The following CCDC102B variants were observed in gnomAD, a reference collection of about 807,000 sequenced individuals.
The protein encoded by CCDC102B is coiled-coil domain-containing protein 102B.
In CCDC102B, 75 loss-of-function variants were observed where a neutral mutation model predicts 57.4. That is an observed-to-expected ratio of 1.31 (90% CI 1.08 to 1.58). The LOEUF (loss-of-function observed/expected upper bound fraction) is 1.58, where lower values mean the gene tolerates loss of function less well. CCDC102B is among the 40% of genes most tolerant of loss of function. The pLI, the probability that CCDC102B is intolerant of heterozygous loss-of-function variation, is 0.00. For missense variants in CCDC102B, 636 were observed against 582.6 expected (o/e 1.09, Z -0.94); for synonymous variants, 206 against 201.9 (o/e 1.02, Z -0.17).
At chr18:68,944,358 T>A (rs1348227520) in intron 6 of CCDC102B, among the ~76,000 whole-genome samples, 1 of 152,154 alleles carries the variant, frequency 6.6e-6, no homozygotes, top group African/African-American at 2.4e-5. Context: ...TAAAACAAAG[T>A]ACCATAGTCT....
chr18:68,729,514 A>G (rs2032761494), intron 2 of CCDC102B, among the ~76,000 whole-genome samples: 1 of 152,212 alleles, frequency 6.6e-6, no homozygotes, highest in East Asian at 1.9e-4. Flanking sequence ...TTCAGGCATT[A>G]ATGGAAACTT....
chr18:69,026,535 T>C (rs115493917), intron 7 of CCDC102B, among the ~76,000 whole-genome samples: 2 of 148,504 alleles, frequency 1.3e-5, no homozygotes, highest in Admixed American at 6.7e-5. Flanking sequence ...TGAAGCATAA[T>C]ACGGCATTCA....
chr18:69,007,191 CTCCTTAAGGTGAAA>C (rs144314273), intron 6 of CCDC102B, among the ~76,000 whole-genome samples: 2,527 of 152,218 alleles, frequency 0.017, 80 homozygotes, highest in African/African-American at 0.057. Flanking sequence ...ATGTATTTTT[CTCCTTAAGGTGAAA>C]TCCAGTTCTT....
chr18:68,759,188 T>TG (rs1568235644), intron 2 of CCDC102B, among the ~76,000 whole-genome samples: 2 of 151,942 alleles, frequency 1.3e-5, no homozygotes, highest in African/African-American at 4.8e-5. Context: ...TGTAAAATAT[T>TG]GGGGAAAAAT....
At chr18:68,752,105 C>G (rs1396587199) in intron 2 of CCDC102B, among the ~76,000 whole-genome samples, 2 of 151,796 alleles carry the variant, frequency 1.3e-5, no homozygotes, top group Non-Finnish European at 2.9e-5. Context: ...ACTAAAAATA[C>G]AAAAATTAGC....
chr18:68,761,744 G>A (rs1354406900), intron 2 of CCDC102B, among the ~76,000 whole-genome samples: 1 of 152,016 alleles, frequency 6.6e-6, no homozygotes, highest in Non-Finnish European at 1.5e-5. Flanking sequence ...AACCCTTATA[G>A]CTGGGTTTAG....
At chr18:68,749,158 A>G (rs1021693227) in intron 2 of CCDC102B, among the ~76,000 whole-genome samples, 3 of 152,166 alleles carry the variant, frequency 2.0e-5, no homozygotes, top group East Asian at 3.9e-4. Flanking sequence ...TACCAGTACC[A>G]TGCTGTTTTG....
At chr18:68,909,198 GAAA>G (rs2040751853) in intron 6 of CCDC102B, among the ~76,000 whole-genome samples, 2 of 150,872 alleles carry the variant, frequency 1.3e-5, no homozygotes, top group Non-Finnish European at 3.0e-5. Flanking sequence ...AAAAAGCAAA[GAAA>G]GAAGAGTAAA....
At chr18:68,766,071 T>G (rs1050492356) in intron 2 of CCDC102B, among the ~76,000 whole-genome samples, 1 of 152,190 alleles carries the variant, frequency 6.6e-6, no homozygotes, top group Admixed American at 6.5e-5. Flanking sequence ...TACATTCAAG[T>G]AGCAATTTAA....
At chr18:68,961,184 T>C (rs2050039311) in intron 6 of CCDC102B, among the ~76,000 whole-genome samples, 1 of 152,124 alleles carries the variant, frequency 6.6e-6, no homozygotes, top group Non-Finnish European at 1.5e-5. Context: ...TTCAGAGTAT[T>C]AGCTTTAAAG....
intron 7 of CCDC102B, among the ~76,000 whole-genome samples, chr18:69,017,024 T>C (rs2051687367): frequency 6.6e-6 from 1 of 152,134 alleles, no homozygotes; most frequent in South Asian, 2.1e-4. Flanking sequence ...GATTTATTTA[T>C]AAAATTAAAA....
intron 6 of CCDC102B, among the ~76,000 whole-genome samples, chr18:68,989,744 A>G (rs650388): frequency 0.93 from 140,982 of 152,264 alleles, 65,599 homozygotes; most frequent in South Asian, 0.98. Context: ...GAAAGCGGAA[A>G]AATAAGTCTT....
chr18:68,972,997 T>C (rs2050340562), intron 6 of CCDC102B, among the ~76,000 whole-genome samples: 1 of 152,168 alleles, frequency 6.6e-6, no homozygotes, highest in Non-Finnish European at 1.5e-5. Context: ...ACCACATATA[T>C]AGGCAACAGA....
At chr18:68,767,619 G>C (rs548442500) in intron 2 of CCDC102B, among the ~76,000 whole-genome samples, 1 of 152,134 alleles carries the variant, frequency 6.6e-6, no homozygotes, top group African/African-American at 2.4e-5. Context: ...TCATGCAAAC[G>C]ATCTTTACTA....
chr18:68,751,813 T>C (rs2033861575), intron 2 of CCDC102B, among the ~76,000 whole-genome samples: 1 of 152,060 alleles, frequency 6.6e-6, no homozygotes, highest in African/African-American at 2.4e-5. Context: ...AGGAAGATAA[T>C]GACAGAATTT....
At chr18:68,971,528 G>C (rs1482454461) in intron 6 of CCDC102B, among the ~76,000 whole-genome samples, 2 of 152,060 alleles carry the variant, frequency 1.3e-5, no homozygotes, top group Non-Finnish European at 2.9e-5. Flanking sequence ...TGGAAATTAT[G>C]ATTTTTTTGA....
At position 68,855,505 on chromosome 18, in the gene CCDC102B, A is replaced by C. The variant is rs572946141; in HGVS notation, c.936+9084A>C. Among the ~76,000 whole-genome samples, 35 of 152,292 alleles carry C rather than the reference A, an allele frequency of 2.3e-4. No homozygotes were observed. In the South Asian group the frequency reaches 6.6e-3, roughly 29 times the overall value. ...TCATATCATACAATTCACCCACTTA[A>C]AATACAGTTAAGTGGCTTTTAATAT... On this transcript the variant is annotated intron_variant, in intron 4 of 7. Transcript: ENST00000360242.
intron 2 of CCDC102B, among the ~76,000 whole-genome samples, chr18:68,717,811 A>C (rs887207260): frequency 9.2e-5 from 14 of 152,194 alleles, no homozygotes; most frequent in African/African-American, 3.4e-4. Context: ...TATTTTGCAT[A>C]CATATTGCTG....
At chr18:68,914,835 TC>T (rs1257365518) in intron 6 of CCDC102B, among the ~76,000 whole-genome samples, 1 of 152,214 alleles carries the variant, frequency 6.6e-6, no homozygotes, top group Non-Finnish European at 1.5e-5. Flanking sequence ...CCATAGGAAC[TC>T]AACTCTCATT....
Sources: gnomAD v4.1 joint callset for allele counts (sites outside exome capture counted in the v4.1 genomes callset) on GRCh38, gnomAD v4.1.1 for gene constraint, MANE v1.5 for transcripts, NCBI Gene and HGNC (gene_info 2026-07-23, HGNC 2026-07-21) for gene names.